Variants in HIVEP3 observed in about 807,000 individuals in gnomAD.
HIVEP3 encodes HIVEP zinc finger 3, also known as transcription factor HIVEP3.
A neutral mutation model predicts 152.8 loss-of-function variants in HIVEP3; 49 were observed. The ratio of observed to expected loss-of-function variants is 0.32; its 90% CI spans 0.26 to 0.41. The LOEUF is 0.41. Ranked by LOEUF, HIVEP3 falls within the 10% of genes least tolerant of loss-of-function variation. The probability of loss-of-function intolerance (pLI) is 1.00; values close to 1 mark genes in which losing one functional copy is unlikely to be tolerated. For synonymous variants in HIVEP3, 1,269 were observed against 1,289.0 expected (o/e 0.98, Z 0.33); for missense variants, 2,790 against 3,103.3 (o/e 0.90, Z 2.40).
intron 1 of HIVEP3, among the ~76,000 whole-genome samples, chr1:41,845,912 C>T (rs760708083): frequency 3.9e-5 from 6 of 151,998 alleles, no homozygotes; most frequent in Non-Finnish European, 5.9e-5. Context: ...ATGAAAAATA[C>T]AAAAATTAGC....
At chr1:41,968,304 C>T (rs146137007) in intron 1 of HIVEP3, among the ~76,000 whole-genome samples, 2,433 of 152,084 alleles carry the variant, frequency 0.016, 38 homozygotes, top group Non-Finnish European at 0.021. Flanking sequence ...ATGCAAAAAT[C>T]CGCAATAAAA....
intron 5 of HIVEP3, among the ~76,000 whole-genome samples, chr1:41,557,861 C>G (rs1463169105): frequency 6.6e-6 from 1 of 152,184 alleles, no homozygotes; most frequent in East Asian, 1.9e-4. Flanking sequence ...AGATTCACAG[C>G]CAGCGCTTGG....
chr1:41,717,049 CCTGTGTCCTG>C (rs761834228), intron 1 of HIVEP3, among the ~76,000 whole-genome samples: 21 of 152,304 alleles, frequency 1.4e-4, no homozygotes, highest in Non-Finnish European at 1.0e-4. Context: ...AGCTGGTTGC[CCTGTGTCCTG>C]CTCTGAGGGC....
intron 5 of HIVEP3, among the ~76,000 whole-genome samples, chr1:41,564,901 G>A (rs1439232466): frequency 2.6e-5 from 4 of 152,154 alleles, no homozygotes; most frequent in African/African-American, 9.7e-5. Context: ...GAGGGAGCTC[G>A]CTGGATGAGA....
intron 1 of HIVEP3, among the ~76,000 whole-genome samples, chr1:41,710,744 C>T (rs1165479596): frequency 4.6e-5 from 7 of 152,210 alleles, no homozygotes; most frequent in Admixed American, 2.6e-4. Context: ...GGTGCTGTGT[C>T]CTGCCGTGGC....
chr1:41,634,752 C>T (rs1370136205), intron 2 of HIVEP3, among the ~76,000 whole-genome samples: 1 of 152,100 alleles, frequency 6.6e-6, no homozygotes, highest in African/African-American at 2.4e-5. Flanking sequence ...TAAACTGGGG[C>T]CTTTTATATT....
At chr1:41,713,943 C>T (rs1646552486) in intron 1 of HIVEP3, among the ~76,000 whole-genome samples, 1 of 152,204 alleles carries the variant, frequency 6.6e-6, no homozygotes, top group African/African-American at 2.4e-5. Flanking sequence ...CAGTGGGCCA[C>T]AGGCTGTCAG....
chr1:41,516,229 G>A (rs1642602049), intron 7 of HIVEP3, among the ~76,000 whole-genome samples: 1 of 152,254 alleles, frequency 6.6e-6, no homozygotes, highest in African/African-American at 2.4e-5. Flanking sequence ...ACAAATGAGA[G>A]AGCTTGAGCG....
chr1:41,562,639 C>CTTTCTT (rs1558063215), intron 5 of HIVEP3, among the ~76,000 whole-genome samples: 2 of 131,354 alleles, frequency 1.5e-5, no homozygotes, highest in South Asian at 2.5e-4. Flanking sequence ...CTCTCCCTCT[C>CTTTCTT]TCTCTCTTTC....
chr1:41,710,171 A>T (rs548082019), intron 1 of HIVEP3, among the ~76,000 whole-genome samples: 2 of 152,088 alleles, frequency 1.3e-5, no homozygotes, highest in East Asian at 3.9e-4. Context: ...CTCCTGCCAC[A>T]TTTCTCATCT....
At chr1:41,896,175 A>G (rs1403374665) in intron 1 of HIVEP3, among the ~76,000 whole-genome samples, 1 of 152,162 alleles carries the variant, frequency 6.6e-6, no homozygotes, top group Non-Finnish European at 1.5e-5. Context: ...GGACCTTTCT[A>G]TGCAGCAGTT....
intron 1 of HIVEP3, among the ~76,000 whole-genome samples, chr1:42,026,337 A>T (rs1170289030): frequency 6.6e-6 from 1 of 152,208 alleles, no homozygotes; most frequent in Admixed American, 6.5e-5. Context: ...ACTAAAGTCT[A>T]TATTTATTAG....
rs184461689 is a variant in HIVEP3 at position 41,661,121 on chromosome 1, C to T, written c.-720-32174G>A. 3.3e-5 allele frequency among the ~76,000 whole-genome samples: 5 copies of T among 152,270 alleles called. No individual in the cohort carries two copies. The East Asian group carries it at 9.7e-4, about 29-fold the overall frequency. On this transcript the variant is annotated intron_variant, in intron 2 of 8. Coordinates refer to ENST00000372583, the MANE Select transcript of HIVEP3 (RefSeq NM_024503.5). Reference sequence around the variant, plus strand: ...GATCTCAATCTTTCTTAAAAACATACCTCTGGGGACACTCATTCCATTTTT... The same window carrying T: ...GATCTCAATCTTTCTTAAAAACATATCTCTGGGGACACTCATTCCATTTTT...
At position 41,941,215 on chromosome 1, in the gene HIVEP3, G is replaced by A. The variant is rs143229944; in HGVS notation, n.120-22691C>T. On this transcript the variant is annotated intron_variant and non_coding_transcript_variant, in intron 1 of 3. Coordinates refer to the HIVEP3 transcript ENST00000489103. ...AAGGGAAGCAAAGGAATGGGGCAGT[G>A]GGTAGAGTAGGGCAAGCAGTCAAGG... is the stretch of plus-strand genomic sequence containing the variant. 4.0e-3 allele frequency among the ~76,000 whole-genome samples: 605 copies of A among 152,262 alleles called. 3 individuals are homozygous for A. Among genetic ancestry groups the A allele is most frequent in the African/African-American group, 0.014 (581 of 41,524 alleles).
At chr1:41,513,821 T>C (rs1333168589) in intron 7 of HIVEP3, 71 bp from the exon 8 acceptor site, 3 of 1,287,758 alleles carry the variant, frequency 2.3e-6, no homozygotes, top group Non-Finnish European at 3.1e-6. Context: ...GCTGCTCCTC[T>C]CTGAGCCCCA....
chr1:41,761,501 C>T (rs1647679687), intron 1 of HIVEP3, among the ~76,000 whole-genome samples: 1 of 151,420 alleles, frequency 6.6e-6, no homozygotes, highest in African/African-American at 2.4e-5. Context: ...TGCATGTATG[C>T]TTGTATATGC....
At chr1:41,838,526 C>A (rs539081996) in intron 1 of HIVEP3, among the ~76,000 whole-genome samples, 4 of 152,246 alleles carry the variant, frequency 2.6e-5, no homozygotes, top group Admixed American at 2.6e-4. Flanking sequence ...CCCTCCTGAG[C>A]CACATTGTCT....
intron 1 of HIVEP3, among the ~76,000 whole-genome samples, chr1:41,967,676 A>G (rs1324070936): frequency 6.6e-6 from 1 of 152,216 alleles, no homozygotes; most frequent in Non-Finnish European, 1.5e-5. Context: ...AGTTAGCAGA[A>G]GACAAGAAAT....
At chr1:41,956,538 C>T (rs1362362216) in intron 1 of HIVEP3, among the ~76,000 whole-genome samples, 2 of 152,224 alleles carry the variant, frequency 1.3e-5, no homozygotes, top group African/African-American at 4.8e-5. Flanking sequence ...AGCAGCAGTA[C>T]AACTTCATCC....
Sources: gnomAD v4.1 joint callset for allele counts (sites outside exome capture counted in the v4.1 genomes callset) on GRCh38, gnomAD v4.1.1 for gene constraint, MANE v1.5 for transcripts, NCBI Gene and HGNC (gene_info 2026-07-23, HGNC 2026-07-21) for gene names.